The following FRZB variants were observed in gnomAD, a reference collection of about 807,000 sequenced individuals.
FRZB encodes the protein frizzled related protein, also known as secreted frizzled-related protein 3.
A neutral mutation model predicts 32.5 loss-of-function variants in FRZB; 34 were observed. The ratio of observed to expected loss-of-function variants is 1.05; its 90% CI spans 0.80 to 1.39. The LOEUF (loss-of-function observed/expected upper bound fraction) is 1.39, where lower values mean the gene tolerates loss of function less well. Among genes scored for constraint, FRZB ranks in the 40% most tolerant of loss-of-function variants. FRZB has a pLI of 0.00. For synonymous variants in FRZB, 170 were observed against 159.2 expected (o/e 1.07, Z -0.51); for missense variants, 423 against 424.8 (o/e 1.00, Z 0.04).
At chr2:182,842,836 T>A (rs1353897060) in intron 2 of FRZB, among the ~76,000 whole-genome samples, 1 of 152,194 alleles carries the variant, frequency 6.6e-6, no homozygotes, top group East Asian at 1.9e-4. Flanking sequence ...GACCCCTTAA[T>A]CCTGAAAGAG....
chr2:182,841,697 T>C (rs963866954), intron 3 of FRZB, among the ~76,000 whole-genome samples: 3 of 152,148 alleles, frequency 2.0e-5, no homozygotes, highest in Non-Finnish European at 4.4e-5. Context: ...TTTATGACTC[T>C]AAAATATACA....
intron 2 of FRZB, among the ~76,000 whole-genome samples, chr2:182,856,604 G>A (rs1391587110): frequency 1.3e-5 from 2 of 151,988 alleles, no homozygotes; most frequent in African/African-American, 4.8e-5. Context: ...AATGACTTAA[G>A]TATGTTAAAA....
At chr2:182,855,360 G>A (rs1257588251) in intron 2 of FRZB, among the ~76,000 whole-genome samples, 2 of 152,046 alleles carry the variant, frequency 1.3e-5, no homozygotes, top group Admixed American at 6.6e-5. Flanking sequence ...ATGACTTTAC[G>A]GTAGCTATGA....
At chr2:182,860,972 G>A (rs1395306306) in intron 1 of FRZB, among the ~76,000 whole-genome samples, 2 of 152,090 alleles carry the variant, frequency 1.3e-5, no homozygotes, top group Non-Finnish European at 2.9e-5. Flanking sequence ...CATGACTATG[G>A]GGAAATGATG....
intron 2 of FRZB, among the ~76,000 whole-genome samples, chr2:182,856,480 C>A (rs555156278): frequency 6.6e-6 from 1 of 151,830 alleles, no homozygotes; most frequent in South Asian, 2.1e-4. Flanking sequence ...ATATGAATAA[C>A]TACATTAGCT....
At chr2:182,852,055 A>T (rs1053477954) in intron 2 of FRZB, among the ~76,000 whole-genome samples, 7 of 152,240 alleles carry the variant, frequency 4.6e-5, no homozygotes, top group African/African-American at 1.7e-4. Flanking sequence ...AAATCACAAA[A>T]ATACTATTTG....
chr2:182,841,868 G>T (rs182291846), intron 3 of FRZB, among the ~76,000 whole-genome samples: 1 of 152,210 alleles, frequency 6.6e-6, no homozygotes, highest in East Asian at 1.9e-4. Flanking sequence ...AAAATGGCAG[G>T]CTTTTTAATC....
intron 3 of FRZB, 72 bp downstream of exon 3, chr2:182,842,406 C>T (rs1559047281): frequency 9.4e-7 from 1 of 1,059,754 alleles, no homozygotes; most frequent in Non-Finnish European, 1.5e-6. Flanking sequence ...TACATGTGCA[C>T]ATCCTCATAG....
chr2:182,852,691 A>G (rs1235072140), intron 2 of FRZB, among the ~76,000 whole-genome samples: 1 of 152,180 alleles, frequency 6.6e-6, no homozygotes, highest in African/African-American at 2.4e-5. Context: ...TATCTGCTTT[A>G]ATTTTCTGTG....
chr2:182,847,177 A>T (rs1695652868), intron 2 of FRZB, among the ~76,000 whole-genome samples: 2 of 152,244 alleles, frequency 1.3e-5, no homozygotes, highest in East Asian at 1.9e-4. Context: ...CATGACATGA[A>T]ATTAAAACAC....
chr2:182,863,380 G>A (rs1036825342), intron 1 of FRZB, among the ~76,000 whole-genome samples: 8 of 152,188 alleles, frequency 5.3e-5, no homozygotes, highest in Admixed American at 2.0e-4. Context: ...AATAATAATG[G>A]TCAGGATGGA....
At chr2:182,862,356 A>G (rs1695842667) in intron 1 of FRZB, among the ~76,000 whole-genome samples, 2 of 152,208 alleles carry the variant, frequency 1.3e-5, no homozygotes, top group South Asian at 4.1e-4. Flanking sequence ...CATACCATAA[A>G]TTTTCTTAAC....
chr2:182,852,235 C>A (rs991438447), intron 2 of FRZB, among the ~76,000 whole-genome samples: 3 of 152,094 alleles, frequency 2.0e-5, no homozygotes, highest in Admixed American at 6.6e-5. Context: ...CCAAGCTAAG[C>A]ATAAATCATG....
Position 182,861,173 on chromosome 2 carries a change from TC to T in FRZB, c.479-2341del, listed in dbSNP as rs377067299. 1.8e-3 allele frequency among the ~76,000 whole-genome samples: 268 copies of T among 152,334 alleles called. 1 individual carries two copies. Among genetic ancestry groups the T allele is most frequent in the Non-Finnish European group, 2.3e-3 (157 of 68,030 alleles). Reference sequence around the variant, plus strand: ...CAAAATACAATGAGAAAACCTTTGTTCCTTTAACTGCAATCTGCTAGGCAAA... The same window carrying T: ...CAAAATACAATGAGAAAACCTTTGTTCTTTAACTGCAATCTGCTAGGCAAA... On this transcript the variant is annotated intron_variant, in intron 1 of 5. Transcript: ENST00000295113.
chr2:182,851,034 T>C (rs1695704686), intron 2 of FRZB, among the ~76,000 whole-genome samples: 1 of 152,266 alleles, frequency 6.6e-6, no homozygotes, highest in Non-Finnish European at 1.5e-5. Flanking sequence ...AAATGTCTGC[T>C]CAGATCTTTT....
intron 2 of FRZB, among the ~76,000 whole-genome samples, chr2:182,856,164 TCTGTCTGAAGAACAG>T (rs1695766105): frequency 6.6e-6 from 1 of 151,882 alleles, no homozygotes; most frequent in Non-Finnish European, 1.5e-5. Context: ...AGACAGAACT[TCTGTCTGAAGAACAG>T]AAGAGAAAGA....
At chr2:182,865,791 T>G (rs931338266) in intron 1 of FRZB, among the ~76,000 whole-genome samples, 2 of 151,888 alleles carry the variant, frequency 1.3e-5, no homozygotes, top group Admixed American at 6.6e-5. Flanking sequence ...TCCTGTGGAG[T>G]AGAAGTGTGA....
chr2:182,835,955 G>C (rs1695520490), intron 5 of FRZB, among the ~76,000 whole-genome samples: 1 of 152,042 alleles, frequency 6.6e-6, no homozygotes, highest in African/African-American at 2.4e-5. Flanking sequence ...TGTTGGAACT[G>C]ATAATAGAAT....
chr2:182,864,168 T>C (rs1374852518), intron 1 of FRZB, among the ~76,000 whole-genome samples: 1 of 152,244 alleles, frequency 6.6e-6, no homozygotes. Context: ...CAGTGATTGG[T>C]AACTCAGGGA....
Sources: allele counts gnomAD v4.1 joint callset (sites outside exome capture counted in the v4.1 genomes callset), GRCh38; gene constraint gnomAD v4.1.1; transcripts MANE v1.5; gene names NCBI Gene and HGNC (gene_info 2026-07-23, HGNC 2026-07-21).